Variants in GFM1 observed in about 807,000 individuals in gnomAD.
The protein encoded by GFM1 is elongation factor G, mitochondrial.
GFM1 carries 62 observed loss-of-function variants against 96.2 expected under a neutral mutation model. The ratio of observed to expected loss-of-function variants is 0.64; its 90% CI spans 0.53 to 0.80. The LOEUF is 0.80. GFM1 is among the 30% of genes least tolerant of loss of function. GFM1 has a pLI of 0.00. For missense variants in GFM1, 852 were observed against 916.6 expected (o/e 0.93, Z 0.91); for synonymous variants, 282 against 312.9 (o/e 0.90, Z 1.04).
chr3:158,646,088 T>A (rs1721769697), intron 2 of GFM1, 77 bp from the exon 3 acceptor site: 1 of 1,574,792 alleles, frequency 6.4e-7, no homozygotes, highest in Middle Eastern at 1.7e-4. Context: ...TGGCAACTGT[T>A]TCCATTTCAG....
intron 13 of GFM1, among the ~76,000 whole-genome samples, chr3:158,677,208 GT>G (rs1724978814): frequency 6.6e-6 from 1 of 152,198 alleles, no homozygotes; most frequent in South Asian, 2.1e-4. Flanking sequence ...AATTGTATAT[GT>G]TTTGACTGCT....
chr3:158,679,059 C>T (rs1341666825), intron 13 of GFM1, among the ~76,000 whole-genome samples: 2 of 152,192 alleles, frequency 1.3e-5, no homozygotes, highest in African/African-American at 4.8e-5. Context: ...CAGCCATCAC[C>T]TTGATCAGTC....
chr3:158,650,024 C>G, intron 5 of GFM1: 1 of 1,535,992 alleles, frequency 6.5e-7, no homozygotes, highest in South Asian at 1.2e-5. Flanking sequence ...GAGGGATTTC[C>G]TTCCTCTGCT....
At chr3:158,648,583 C>CA (rs1192014458) in intron 4 of GFM1, among the ~76,000 whole-genome samples, 2 of 149,446 alleles carry the variant, frequency 1.3e-5, no homozygotes, top group African/African-American at 4.9e-5. Flanking sequence ...GAGGCTGAGG[C>CA]AGGAGAATTG....
intron 14 of GFM1, among the ~76,000 whole-genome samples, chr3:158,683,136 A>G (rs1725554990): frequency 6.6e-6 from 1 of 151,664 alleles, no homozygotes; most frequent in South Asian, 2.1e-4. Flanking sequence ...TTAACAGGTT[A>G]TAATTTTGGT....
intron 5 of GFM1, among the ~76,000 whole-genome samples, chr3:158,651,848 A>C (rs1018349775): frequency 1.3e-5 from 2 of 151,960 alleles, no homozygotes; most frequent in Non-Finnish European, 1.5e-5. Flanking sequence ...ATTATAGTGG[A>C]CTGTTTTAGC....
chr3:158,647,945 G>T (rs187267977), intron 4 of GFM1, among the ~76,000 whole-genome samples: 1 of 152,038 alleles, frequency 6.6e-6, no homozygotes, highest in African/African-American at 2.4e-5. Flanking sequence ...TCTTTTCTAT[G>T]GTACTTATTC....
At position 158,695,114 on chromosome 3, in the gene GFM1, C is replaced by T. The variant is rs1254030868; in HGVS notation, c.*3647C>T. 6.6e-6 allele frequency among the ~76,000 whole-genome samples: 1 copy of T among 152,228 alleles called. No homozygotes were observed. The highest frequency in any genetic ancestry group is 6.5e-5 in the Admixed American group (1 of 15,284). On this transcript the variant is annotated 3_prime_UTR_variant, in exon 18 of 18. Transcript: ENST00000486715. ...TGAGGCCGGATGTGGTGGCTCACGC[C>T]TGTAATTCCAGCACTTTGGGAGGCC...
At chr3:158,666,743 T>C in intron 13 of GFM1, 1 of 1,610,922 alleles carries the variant, frequency 6.2e-7, no homozygotes, top group Non-Finnish European at 8.5e-7. Flanking sequence ...GGGAATAATC[T>C]CCTGCAAGTG....
chr3:158,682,322 C>G (rs768165645), intron 14 of GFM1, 165 bp downstream of exon 14: 6 of 625,162 alleles, frequency 9.6e-6, no homozygotes, highest in Admixed American at 2.6e-5. Flanking sequence ...ATCTCTAATT[C>G]ATTAAGCAGA....
chr3:158,682,587 T>C (rs9873022), intron 14 of GFM1, among the ~76,000 whole-genome samples: 63,214 of 152,106 alleles, frequency 0.42, 14,288 homozygotes, highest in African/African-American at 0.6. Context: ...GAACTGTTTC[T>C]TCATTTGTAA....
At position 158,692,599 on chromosome 3, in the gene GFM1, C is replaced by T. The variant is rs1726400234; in HGVS notation, c.*1132C>T. On this transcript the variant is annotated 3_prime_UTR_variant, in exon 18 of 18. Transcript: ENST00000486715. Reference sequence around the variant, plus strand: ...TCCTTTGCTTTTCTTGACTTATAGACGTGGCTTTATACTTTAAGGTTTCTA... The same window carrying T: ...TCCTTTGCTTTTCTTGACTTATAGATGTGGCTTTATACTTTAAGGTTTCTA... 6.6e-6 allele frequency: 1 copy of T among 151,920 alleles called. No homozygotes were observed. The highest frequency in any genetic ancestry group is 2.4e-5 in the African/African-American group (1 of 41,344). The allele number at this position is 151,920 out of a possible 1,614,324, so 9.4% of individuals were successfully genotyped here. A position where few individuals can be genotyped will look rare whatever the true frequency, so the allele number is the denominator to read the frequency against.
intron 13 of GFM1, 139 bp downstream of exon 13, chr3:158,666,525 G>A: frequency 2.6e-6 from 3 of 1,158,712 alleles, no homozygotes; most frequent in Non-Finnish European, 2.6e-6. Context: ...GTTCTATACT[G>A]TAATCAAGAC....
chr3:158,647,041 A>T lies in GFM1; in HGVS notation c.572+94A>T. On this transcript the variant is annotated intron_variant, in intron 4 of 17. Coordinates refer to ENST00000486715, the MANE Select transcript of GFM1 (RefSeq NM_024996.7). The stretch of plus-strand genomic sequence containing the variant: ...GATTAATTCACTGTCATTAAACTTT[A>T]TTCTTAAATTTAGTTTTTTAAATAT... 6.1e-6 allele frequency: 6 copies of T among 988,680 alleles called. No homozygotes were observed. The South Asian group carries it at 8.4e-5, about 14-fold the overall frequency. The allele number at this position is 988,680 out of a possible 1,614,324, so 61.2% of individuals were successfully genotyped here.
chr3:158,645,276 A>C (rs1721678757), intron 1 of GFM1, among the ~76,000 whole-genome samples: 1 of 152,144 alleles, frequency 6.6e-6, no homozygotes, highest in African/African-American at 2.4e-5. Flanking sequence ...AATTAAGTTA[A>C]ATTTAAGCTA....
intron 13 of GFM1, 198 bp downstream of exon 13, chr3:158,666,584 G>A: frequency 2.8e-6 from 4 of 1,441,414 alleles, no homozygotes; most frequent in Non-Finnish European, 2.9e-6. Flanking sequence ...TAAGCTAGAT[G>A]CCAGTGAAAT....
intron 5 of GFM1, chr3:158,649,518 G>A (rs1453391785): frequency 9.4e-6 from 2 of 213,398 alleles, no homozygotes; most frequent in Non-Finnish European, 1.9e-5. Context: ...GCAGCTGCCA[G>A]GTCTGGGGTA....
intron 4 of GFM1, among the ~76,000 whole-genome samples, chr3:158,648,162 C>A (rs1291347538): frequency 1.3e-5 from 2 of 151,996 alleles, no homozygotes; most frequent in Non-Finnish European, 2.9e-5. Context: ...TTTCTCAAAT[C>A]TTTACATTTT....
intron 8 of GFM1, 55 bp downstream of exon 8, chr3:158,654,686 G>C: frequency 8.8e-7 from 1 of 1,142,668 alleles, no homozygotes; most frequent in Non-Finnish European, 1.3e-6. Flanking sequence ...TTTACTTCTA[G>C]GCTTTATTCC....
Sources: gnomAD v4.1 joint callset for allele counts (sites outside exome capture counted in the v4.1 genomes callset) on GRCh38, gnomAD v4.1.1 for gene constraint, MANE v1.5 for transcripts, NCBI Gene and HGNC (gene_info 2026-07-23, HGNC 2026-07-21) for gene names.